SLC35F4: variants seen among roughly 807,000 people sequenced by gnomAD.
SLC35F4 encodes chromosome 14 open reading frame 36.
Under a neutral mutation model 44.2 loss-of-function variants are expected in SLC35F4, and 24 were observed. That is an observed-to-expected ratio of 0.54 (90% CI 0.39 to 0.76). The LOEUF is 0.76. Among genes scored for constraint, SLC35F4 ranks in the 30% least tolerant of loss-of-function variants. SLC35F4 has a pLI of 0.00. For missense variants in SLC35F4, 562 were observed against 586.1 expected (o/e 0.96, Z 0.42); for synonymous variants, 238 against 223.6 (o/e 1.06, Z -0.57).
chr14:57,752,172 G>A (rs960272068), intron 1 of SLC35F4, among the ~76,000 whole-genome samples: 2 of 152,170 alleles, frequency 1.3e-5, no homozygotes, highest in Admixed American at 1.3e-4. Context: ...AGGAGGAGCA[G>A]GATGAAGGGT....
At chr14:57,657,383 C>G (rs1465915873) in intron 1 of SLC35F4, among the ~76,000 whole-genome samples, 1 of 152,196 alleles carries the variant, frequency 6.6e-6, no homozygotes, top group Non-Finnish European at 1.5e-5. Flanking sequence ...GAACTGAGAG[C>G]CATCTCATGC....
At chr14:57,851,596 G>A (rs1293524599) in intron 1 of SLC35F4, among the ~76,000 whole-genome samples, 1 of 152,114 alleles carries the variant, frequency 6.6e-6, no homozygotes, top group East Asian at 1.9e-4. Context: ...TCTGATCCAA[G>A]CCCTAAAATG....
upstream of SLC35F4, among the ~76,000 whole-genome samples, chr14:57,870,124 CTG>C (rs34282878): frequency 8.5e-3 from 1,243 of 145,742 alleles, 11 homozygotes; most frequent in African/African-American, 0.018. Flanking sequence ...TGTCTATGAT[CTG>C]TGTGTGTGTG....
intron 1 of SLC35F4, chr14:57,631,289 G>A (rs577659874): frequency 6.6e-6 from 1 of 152,056 alleles, no homozygotes; most frequent in Non-Finnish European, 1.5e-5. Context: ...AAACATGGAG[G>A]CTTCACTGCT....
At position 57,652,852 on chromosome 14, in the gene SLC35F4, G is replaced by A. The variant is rs116596031; in HGVS notation, c.104-58728C>T. The stretch of plus-strand genomic sequence containing the variant: ...AGTATAAGTGTGAGAGGAAGAGGGA[G>A]ATGATTTGTGGATATTGAACCAAAG... On this transcript the variant is annotated intron_variant, in intron 1 of 7. Coordinates refer to ENST00000556826, the MANE Select transcript of SLC35F4 (RefSeq NM_001306087.2). Among the ~76,000 whole-genome samples, 894 of 152,330 alleles carry A rather than the reference G, an allele frequency of 5.9e-3. 10 individuals carry two copies. Among genetic ancestry groups the A allele is most frequent in the African/African-American group, 0.02 (819 of 41,574 alleles).
At chr14:57,916,719 G>A (rs1889336500) in intron 1 of SLC35F4, among the ~76,000 whole-genome samples, 1 of 151,976 alleles carries the variant, frequency 6.6e-6, no homozygotes, top group Non-Finnish European at 1.5e-5. Context: ...TGGGTACTAG[G>A]CTCACTACCT....
At chr14:57,580,744 A>G (rs781589775) in intron 4 of SLC35F4, among the ~76,000 whole-genome samples, 3 of 152,032 alleles carry the variant, frequency 2.0e-5, no homozygotes, top group Admixed American at 6.6e-5. Context: ...GCATTGTGCC[A>G]TTACCAGTGA....
intron 1 of SLC35F4, among the ~76,000 whole-genome samples, chr14:57,803,527 A>G (rs1303762637): frequency 1.3e-5 from 2 of 151,834 alleles, no homozygotes; most frequent in Non-Finnish European, 2.9e-5. Context: ...TTTTATTTGC[A>G]GATGACATGA....
chr14:57,904,011 CT>C (rs1392807809), intron 1 of SLC35F4, among the ~76,000 whole-genome samples: 1 of 152,170 alleles, frequency 6.6e-6, no homozygotes, highest in African/African-American at 2.4e-5. Context: ...AAAAAAAGTG[CT>C]GCTTTTAGAG....
chr14:57,742,986 A>G (rs1290682343), intron 1 of SLC35F4, among the ~76,000 whole-genome samples: 4 of 152,176 alleles, frequency 2.6e-5, no homozygotes, highest in African/African-American at 9.7e-5. Flanking sequence ...GGTACGTAAC[A>G]AAATGAAGGC....
In SLC35F4 at chr14:57,958,922, C is replaced by T. The variant is rs116221127; in HGVS notation, n.282+22991G>A. ...AAGTTAGACATCGTCAGAATCCCTTCCAAATGCTCTGGAGGAGAGTGGCAT... is the reference window on the plus strand; with the variant it reads ...AAGTTAGACATCGTCAGAATCCCTTTCAAATGCTCTGGAGGAGAGTGGCAT... On this transcript the variant is annotated intron_variant and non_coding_transcript_variant, in intron 1 of 1. Transcript: ENST00000556568. Among the ~76,000 whole-genome samples the T allele has an allele frequency of 5.8e-3, 885 of 152,312 alleles. 13 individuals carry two copies. Among genetic ancestry groups the T allele is most frequent in the African/African-American group, 0.02 (849 of 41,564 alleles).
intron 1 of SLC35F4, among the ~76,000 whole-genome samples, chr14:57,790,003 T>G (rs1361498578): frequency 6.6e-6 from 1 of 152,124 alleles, no homozygotes; most frequent in Non-Finnish European, 1.5e-5. Flanking sequence ...CTCAAAATAA[T>G]AAGAGCCATT....
chr14:57,653,441 T>C (rs2073858035), intron 1 of SLC35F4, among the ~76,000 whole-genome samples: 1 of 152,142 alleles, frequency 6.6e-6, no homozygotes, highest in African/African-American at 2.4e-5. Flanking sequence ...ATCACTCACT[T>C]TACACCAGAG....
chr14:57,785,579 C>A (rs942548857), intron 1 of SLC35F4, among the ~76,000 whole-genome samples: 3 of 152,108 alleles, frequency 2.0e-5, no homozygotes, highest in African/African-American at 7.2e-5. Context: ...CCAGGAGACA[C>A]CCCAAATACT....
chr14:57,728,849 G>C (rs1221449392), intron 1 of SLC35F4, among the ~76,000 whole-genome samples: 1 of 152,114 alleles, frequency 6.6e-6, no homozygotes, highest in Non-Finnish European at 1.5e-5. Context: ...GAAAGGTCTG[G>C]TGTTGATAAA....
intron 1 of SLC35F4, among the ~76,000 whole-genome samples, chr14:57,656,300 C>A (rs2073966554): frequency 6.8e-6 from 1 of 147,686 alleles, no homozygotes; most frequent in African/African-American, 2.6e-5. Context: ...AGCCCCCCCA[C>A]ACCCCCCACA....
chr14:57,895,847 TA>T, intron 1 of SLC35F4, among the ~76,000 whole-genome samples: 1 of 152,196 alleles, frequency 6.6e-6, no homozygotes, highest in Middle Eastern at 3.4e-3. Flanking sequence ...AAGGGAATCC[TA>T]AGGCGGGTTT....
intron 1 of SLC35F4, among the ~76,000 whole-genome samples, chr14:57,800,197 A>G (rs1026613879): frequency 1.3e-5 from 2 of 152,178 alleles, no homozygotes; most frequent in African/African-American, 4.8e-5. Flanking sequence ...TTCACGGGTA[A>G]TACCTCCAGG....
At chr14:57,694,736 T>A (rs573276146) in intron 1 of SLC35F4, among the ~76,000 whole-genome samples, 44 of 152,324 alleles carry the variant, frequency 2.9e-4, no homozygotes, top group African/African-American at 1.0e-3. Context: ...ATTTTACAGT[T>A]TTCTGTATAG....
Sources: allele counts gnomAD v4.1 joint callset (sites outside exome capture counted in the v4.1 genomes callset), GRCh38; gene constraint gnomAD v4.1.1; transcripts MANE v1.5; gene names NCBI Gene and HGNC (gene_info 2026-07-23, HGNC 2026-07-21).